Variants in TRPC5 observed in about 807,000 individuals in gnomAD.
TRPC5 encodes transient receptor potential cation channel subfamily C member 5.
A neutral mutation model predicts 56.5 loss-of-function variants in TRPC5; 9 were observed. That is an observed-to-expected ratio of 0.16 (90% confidence interval 0.10 to 0.28). The LOEUF (loss-of-function observed/expected upper bound fraction) is 0.28, where lower values mean the gene tolerates loss of function less well. Among genes scored for constraint, TRPC5 ranks in the 10% least tolerant of loss-of-function variants. TRPC5 has a pLI of 1.00. For synonymous variants in TRPC5, 282 were observed against 278.5 expected, an observed-to-expected ratio of 1.01 and a Z score of -0.13; for missense variants, 469 against 748.9, an observed-to-expected ratio of 0.63 and a Z score of 4.36.
chrX:111,963,031 C>T (rs1927432126), intron 1 of TRPC5, among the ~76,000 whole-genome samples: 1 of 112,064 alleles, frequency 8.9e-6, no homozygotes, highest in Admixed American at 9.4e-5. Flanking sequence ...CGAGGCATTG[C>T]CTCACTCGGA....
At chrX:111,928,338 C>G (rs1377078549) in intron 2 of TRPC5, among the ~76,000 whole-genome samples, 1 of 111,960 alleles carries the variant, frequency 8.9e-6, no homozygotes, top group African/African-American at 3.2e-5. Flanking sequence ...TAACATCATT[C>G]AACTGCAAGC....
chrX:111,783,141 T>G (rs11152676), intron 7 of TRPC5, among the ~76,000 whole-genome samples: 9,049 of 112,090 alleles, frequency 0.081, 396 homozygotes, highest in Middle Eastern at 0.14. Context: ...CAATAGCCCA[T>G]TCAATCACAT....
chrX:111,955,454 G>A (rs1927206930), intron 1 of TRPC5, among the ~76,000 whole-genome samples: 1 of 112,122 alleles, frequency 8.9e-6, no homozygotes, highest in South Asian at 3.7e-4. Context: ...TGAAGTGATG[G>A]AGGGTAAAGG....
At chrX:111,840,029 G>C (rs1922682916) in intron 6 of TRPC5, among the ~76,000 whole-genome samples, 1 of 111,801 alleles carries the variant, frequency 8.9e-6, no homozygotes, top group Admixed American at 9.5e-5. Flanking sequence ...AATTAGCCGG[G>C]CATGGTGGCG....
At chrX:111,985,704 C>G (rs917659960) in intron 1 of TRPC5, among the ~76,000 whole-genome samples, 9 of 111,785 alleles carry the variant, frequency 8.1e-5, no homozygotes, top group Admixed American at 7.6e-4. Context: ...TCTGCTCATC[C>G]AGATTAAGTA....
Position 112,026,818 on chromosome X carries a change from A to C in TRPC5, c.-22+55061T>G, listed in dbSNP as rs138646939. Among the ~76,000 whole-genome samples, 115 of 109,881 alleles carry C rather than the reference A, an allele frequency of 1.0e-3. No homozygotes were observed. In the East Asian group the frequency reaches 0.017, roughly 16 times the overall value. ...TGGCGGTGATTGTGTATGACATTGA[A>C]TTTCTAGATTATATATTGCCTTGTG... is the stretch of plus-strand genomic sequence containing the variant. On this transcript the variant is annotated intron_variant, in intron 1 of 10. Coordinates refer to ENST00000262839, the MANE Select transcript of TRPC5 (RefSeq NM_012471.3).
rs750051970 is a variant in TRPC5 at position 111,847,134 on chromosome X, T to C, written c.1680A>G (p.Lys560=). 2.6e-5 allele frequency: 32 copies of C among 1,208,965 alleles called. No individual in the cohort carries two copies. The Middle Eastern group carries it at 6.9e-4, about 26-fold the overall frequency. ...CTTACGTGGAGAAGGCATTGTTCTG[T>C]TTCTCACATCGGATCCCCTTGCAGT... ...PNNCKGIRCE[K]QNNAFSTLFE... The change falls in exon 6 of 11, where the codon AAA becomes AAG. Residue 560 remains lysine (K), a synonymous_variant. Coordinates refer to ENST00000262839, the MANE Select transcript of TRPC5 (RefSeq NM_012471.3).
At chrX:111,973,507 T>TA (rs1046380368) in intron 1 of TRPC5, among the ~76,000 whole-genome samples, 1 of 111,553 alleles carries the variant, frequency 9.0e-6, no homozygotes, top group Non-Finnish European at 1.9e-5. Flanking sequence ...TAGGGTAGCT[T>TA]AATGCCCTTG....
intron 3 of TRPC5, among the ~76,000 whole-genome samples, chrX:111,908,942 G>A (rs1925714083): frequency 9.1e-6 from 1 of 109,635 alleles, no homozygotes; most frequent in Admixed American, 9.8e-5. Context: ...TTTGAGGCCA[G>A]GAGTTTGAAA....
chrX:112,073,441 T>TTTTTTTTTTTTTTTTTTTTTTGTTTA (rs1930762054), intron 1 of TRPC5, among the ~76,000 whole-genome samples: 1 of 110,124 alleles, frequency 9.1e-6, no homozygotes. Context: ...GGCTAATTTT[T>TTTTTTTTTTTTTTTTTTTTTTGTTTA]GTAATTTTAG....
At chrX:111,939,714 C>G (rs181781614) in intron 2 of TRPC5, among the ~76,000 whole-genome samples, 46 of 111,795 alleles carry the variant, frequency 4.1e-4, no homozygotes, top group Non-Finnish European at 8.1e-4. Context: ...TCTAATGATA[C>G]TTTTAATTTT....
intron 1 of TRPC5, among the ~76,000 whole-genome samples, chrX:112,027,345 C>G (rs1196274482): frequency 8.9e-6 from 1 of 111,870 alleles, no homozygotes; most frequent in Non-Finnish European, 1.9e-5. Context: ...TATGCTTCAT[C>G]TTTCAAAATA....
Position 111,800,635 on chromosome X carries a change from T to C in TRPC5, c.1897-18497A>G, listed in dbSNP as rs765504156. ...CTTTTGTGGTGGTGCATGCCTGTAA[T>C]CCCAGCTACTAGGGAGGCTGAGGCA... On this transcript the variant is annotated intron_variant, in intron 7 of 10. Coordinates refer to ENST00000262839, the MANE Select transcript of TRPC5 (RefSeq NM_012471.3). Among the ~76,000 whole-genome samples, 257 of 110,133 alleles carry C rather than the reference T, an allele frequency of 2.3e-3. 2 individuals are homozygous for C. Among genetic ancestry groups the C allele is most frequent in the African/African-American group, 8.2e-3 (248 of 30,283 alleles).
At chrX:112,008,430 A>C (rs1469286395) in intron 1 of TRPC5, among the ~76,000 whole-genome samples, 1 of 110,320 alleles carries the variant, frequency 9.1e-6, no homozygotes, top group African/African-American at 3.3e-5. Flanking sequence ...TCTCTACTAA[A>C]AATACAAAAG....
At chrX:111,803,031 A>G (rs1207735145) in intron 7 of TRPC5, among the ~76,000 whole-genome samples, 1 of 110,287 alleles carries the variant, frequency 9.1e-6, no homozygotes, top group Non-Finnish European at 1.9e-5. Flanking sequence ...CCACCCCTCG[A>G]CAAGCCCCAG....
At position 111,811,597 on chromosome X, in the gene TRPC5, G is replaced by T. The variant is rs187948336; in HGVS notation, c.1896+23324C>A. On this transcript the variant is annotated intron_variant, in intron 7 of 10. Transcript: ENST00000262839. ...CACTGTCAAAAGGGCAGAGGTTTTGGGGGGGAGTCAAACAACACAGAACGG... is the reference window on the plus strand; with the variant it reads ...CACTGTCAAAAGGGCAGAGGTTTTGTGGGGGAGTCAAACAACACAGAACGG... 1.3e-4 allele frequency among the ~76,000 whole-genome samples: 14 copies of T among 111,494 alleles called. No individual in the cohort carries two copies. The East Asian group carries it at 3.1e-3, about 25-fold the overall frequency.
chrX:112,029,973 T>A (rs12011342), intron 1 of TRPC5, among the ~76,000 whole-genome samples: 19,665 of 110,293 alleles, frequency 0.18, 1,850 homozygotes, highest in African/African-American at 0.35. Context: ...GATCACAGGC[T>A]TGTGCAACCA....
chrX:111,989,811 A>T (rs1038668444), intron 1 of TRPC5, among the ~76,000 whole-genome samples: 2 of 112,573 alleles, frequency 1.8e-5, no homozygotes, highest in Non-Finnish European at 3.7e-5. Context: ...AGAAAGCAAG[A>T]TGCATACTGT....
intron 7 of TRPC5, among the ~76,000 whole-genome samples, chrX:111,812,869 GT>G (rs1921751804): frequency 8.9e-6 from 1 of 112,397 alleles, no homozygotes; most frequent in South Asian, 3.7e-4. Flanking sequence ...ATAGAAATCT[GT>G]TTTATTTATA....
Sources: gnomAD v4.1 joint callset for allele counts (sites outside exome capture counted in the v4.1 genomes callset) on GRCh38, gnomAD v4.1.1 for gene constraint, MANE v1.5 for transcripts, NCBI Gene and HGNC (gene_info 2026-07-23, HGNC 2026-07-21) for gene names.